The following WWOX variants were observed in gnomAD, a reference collection of about 807,000 sequenced individuals.
The protein encoded by WWOX is WW domain-containing oxidoreductase.
Under a neutral mutation model 46.2 loss-of-function variants are expected in WWOX, and 69 were observed. The ratio of observed to expected loss-of-function variants is 1.49; its 90% confidence interval spans 1.23 to 1.82. The LOEUF is 1.82. Ranked by LOEUF, WWOX falls within the 40% of genes most tolerant of loss-of-function variation. The probability of loss-of-function intolerance (pLI) is 0.00; values close to 1 mark genes in which losing one functional copy is unlikely to be tolerated. For missense variants in WWOX, 919 were observed against 542.6 expected, an observed-to-expected ratio of 1.69 and a Z score of -6.89; for synonymous variants, 359 against 202.6, an observed-to-expected ratio of 1.77 and a Z score of -6.56.
At chr16:78,712,405 G>C (rs1031503210) in intron 8 of WWOX, among the ~76,000 whole-genome samples, 2 of 152,024 alleles carry the variant, frequency 1.3e-5, no homozygotes, top group Non-Finnish European at 2.9e-5. Context: ...GGGAGGCTGA[G>C]GCGGGAGAAT....
intron 8 of WWOX, chr16:79,101,838 T>A (rs1262846173): frequency 6.6e-6 from 1 of 151,400 alleles, no homozygotes; most frequent in African/African-American, 2.4e-5. Context: ...AGAAACGTGT[T>A]TTATGGCTGT....
intron 8 of WWOX, among the ~76,000 whole-genome samples, chr16:78,806,065 C>G (rs567801715): frequency 2.0e-5 from 3 of 152,254 alleles, no homozygotes; most frequent in Middle Eastern, 3.4e-3. Flanking sequence ...TCTTAGCAGT[C>G]AAAGCAATAA....
chr16:78,628,104 A>G (rs1053965539), intron 8 of WWOX, among the ~76,000 whole-genome samples: 1 of 152,174 alleles, frequency 6.6e-6, no homozygotes, highest in African/African-American at 2.4e-5. Context: ...TAGTGGCCCT[A>G]CAGTGGAATG....
At chr16:78,136,767 T>G (rs1054808475) in intron 4 of WWOX, among the ~76,000 whole-genome samples, 1 of 152,128 alleles carries the variant, frequency 6.6e-6, no homozygotes, top group African/African-American at 2.4e-5. Flanking sequence ...ATTAGGCAAA[T>G]GGAAGACCAA....
intron 8 of WWOX, among the ~76,000 whole-genome samples, chr16:78,512,008 C>G (rs960507080): frequency 4.6e-5 from 7 of 152,208 alleles, no homozygotes; most frequent in African/African-American, 1.4e-4. Context: ...TTGTATCAAA[C>G]TTGCTGGGCA....
intron 1 of WWOX, 43 bp from the exon 2 acceptor site, chr16:78,108,380 G>A: frequency 6.3e-7 from 1 of 1,590,080 alleles, no homozygotes; most frequent in Non-Finnish European, 8.6e-7. Context: ...TTTTAGAAGA[G>A]TTAATTTTTA....
At position 78,111,903 on chromosome 16, in the gene WWOX, A is replaced by C. The variant is rs576430760; in HGVS notation, c.230+2068A>C. ...GGGAAGGGCCCTCTATCCTGTAATC[A>C]CGTGACTTGCTTCACCTTGTCAATC... On this transcript the variant is annotated intron_variant, in intron 3 of 8. Coordinates refer to ENST00000566780, the MANE Select transcript of WWOX (RefSeq NM_016373.4). The C allele has an allele frequency of 7.6e-4, 121 of 159,264 alleles. 1 individual carries two copies. The highest frequency in any genetic ancestry group is 2.1e-3 in the Admixed American group (33 of 15,542). The allele number at this position is 159,264 out of a possible 1,614,324, so 9.9% of individuals were successfully genotyped here.
chr16:78,762,465 AG>A (rs2049818376), intron 8 of WWOX, among the ~76,000 whole-genome samples: 1 of 152,158 alleles, frequency 6.6e-6, no homozygotes, highest in South Asian at 2.1e-4. Flanking sequence ...ACATTAAGTG[AG>A]CCTTCCTTAT....
chr16:78,965,687 C>T lies in WWOX; in HGVS notation c.1057-245921C>T, dbSNP rs866493222. Among the ~76,000 whole-genome samples the T allele has an allele frequency of 9.2e-5, 14 of 152,230 alleles. No individual in the cohort carries two copies. In the South Asian group the frequency reaches 1.7e-3, roughly 18 times the overall value. ...ATGTTACTCAACCCAGTTCTGTCGT[C>T]GTCATTTTTTTGTGTTGGCTTTGCC... On this transcript the variant is annotated intron_variant, in intron 8 of 8. Transcript: ENST00000566780.
intron 8 of WWOX, among the ~76,000 whole-genome samples, chr16:78,505,479 G>T (rs80163359): frequency 1.2e-4 from 19 of 152,014 alleles, no homozygotes; most frequent in Non-Finnish European, 8.8e-5. Context: ...TTAACGCTTC[G>T]TACCTAGATT....
chr16:78,929,890 C>G (rs543933837), intron 8 of WWOX, among the ~76,000 whole-genome samples: 1 of 152,220 alleles, frequency 6.6e-6, no homozygotes, highest in South Asian at 2.1e-4. Flanking sequence ...GCCCATCCTT[C>G]TTTCTTAGAA....
intron 1 of WWOX, 160 bp downstream of exon 1, chr16:78,100,045 A>G: frequency 7.0e-7 from 1 of 1,426,536 alleles, no homozygotes. Flanking sequence ...GGTTCCCAGT[A>G]GGGGCCGGCC....
intron 8 of WWOX, among the ~76,000 whole-genome samples, chr16:78,914,318 C>T (rs1412966273): frequency 1.3e-5 from 2 of 152,026 alleles, no homozygotes; most frequent in Non-Finnish European, 2.9e-5. Context: ...CTCATCTGTC[C>T]TGTCCACTCA....
intron 8 of WWOX, among the ~76,000 whole-genome samples, chr16:79,177,376 T>TCTCC (rs3032255): frequency 0.55 from 83,160 of 151,368 alleles, 23,641 homozygotes; most frequent in East Asian, 0.91. Flanking sequence ...TTTTTTCCAC[T>TCTCC]CTCCCTCCGT....
At chr16:78,801,612 A>T (rs2050891991) in intron 8 of WWOX, among the ~76,000 whole-genome samples, 1 of 152,084 alleles carries the variant, frequency 6.6e-6, no homozygotes, top group South Asian at 2.1e-4. Flanking sequence ...TTGAGCTCTC[A>T]CCCCACATTA....
intron 8 of WWOX, among the ~76,000 whole-genome samples, chr16:78,738,545 C>G (rs558559392): frequency 1.7e-4 from 26 of 152,148 alleles, no homozygotes; most frequent in Admixed American, 1.4e-3. Flanking sequence ...CTGTATTTTT[C>G]TCACTTTTAT....
In WWOX at chr16:78,878,525, G is replaced by A. The variant is rs139670130; in HGVS notation, c.1057-333083G>A. Among the ~76,000 whole-genome samples, 1,020 of 152,240 alleles carry A rather than the reference G, an allele frequency of 6.7e-3. 7 individuals are homozygous for A. The highest frequency in any genetic ancestry group is 0.023 in the African/African-American group (948 of 41,556). Reference sequence around the variant, plus strand: ...ATATAAAAGGCTTGGTTTAATCTCTGAAGCACATTGGCACTTAATAAATGT... The same window carrying A: ...ATATAAAAGGCTTGGTTTAATCTCTAAAGCACATTGGCACTTAATAAATGT... On this transcript the variant is annotated intron_variant, in intron 8 of 8. Transcript: ENST00000566780.
chr16:78,244,442 C>T (rs906342841), intron 5 of WWOX, among the ~76,000 whole-genome samples: 1 of 152,214 alleles, frequency 6.6e-6, no homozygotes, highest in Non-Finnish European at 1.5e-5. Context: ...AAGATCTAAG[C>T]TGTGAAGTAT....
At chr16:78,864,509 T>G (rs2043959706) in intron 8 of WWOX, among the ~76,000 whole-genome samples, 1 of 152,110 alleles carries the variant, frequency 6.6e-6, no homozygotes, top group African/African-American at 2.4e-5. Context: ...GATCAGGAGA[T>G]CCGCCTGCCT....
Sources: allele counts gnomAD v4.1 joint callset (sites outside exome capture counted in the v4.1 genomes callset), GRCh38; gene constraint gnomAD v4.1.1; transcripts MANE v1.5; gene names NCBI Gene and HGNC (gene_info 2026-07-23, HGNC 2026-07-21).